The following DEPDC5 variants were observed in gnomAD, a reference collection of about 807,000 sequenced individuals.
DEPDC5 encodes DEP domain containing 5, GATOR1 subcomplex subunit.
A neutral mutation model predicts 217.3 loss-of-function variants in DEPDC5; 73 were observed. The ratio of observed to expected loss-of-function variants is 0.34; its 90% CI spans 0.28 to 0.41. The LOEUF is 0.41. Ranked by LOEUF, DEPDC5 falls within the 10% of genes least tolerant of loss-of-function variation. The pLI is 1.00. For synonymous variants in DEPDC5, 733 were observed against 756.7 expected (o/e 0.97, Z 0.51); for missense variants, 1,675 against 2,070.1 (o/e 0.81, Z 3.70).
chr22:31,852,682 A>C (rs936516339), intron 31 of DEPDC5, among the ~76,000 whole-genome samples: 1 of 152,036 alleles, frequency 6.6e-6, no homozygotes, highest in Non-Finnish European at 1.5e-5. Flanking sequence ...ATTTCCCTTC[A>C]TCTGTAATAT....
At chr22:31,885,567 T>C (rs2093286357) in intron 38 of DEPDC5, among the ~76,000 whole-genome samples, 1 of 150,564 alleles carries the variant, frequency 6.6e-6, no homozygotes, top group African/African-American at 2.5e-5. Flanking sequence ...CTACTAAAAA[T>C]ACAAAAAATT....
intron 4 of DEPDC5, among the ~76,000 whole-genome samples, chr22:31,763,493 A>G (rs1478181174): frequency 6.7e-6 from 1 of 149,772 alleles, no homozygotes; most frequent in African/African-American, 2.5e-5. Flanking sequence ...ACTGGAGTGC[A>G]GTGGTGCAGT....
Position 31,897,672 on chromosome 22 carries a change from T to C in DEPDC5, c.4375+19T>C. ...TTTGATAGTAAGAAATATTCCCTTC[T>C]GGAGGTTGTCTCAACCAGTAAGACC... On this transcript the variant is annotated intron_variant, in intron 40 of 42. Coordinates refer to ENST00000651528, the MANE Select transcript of DEPDC5 (RefSeq NM_001242896.3). 1 of 1,612,176 alleles carries C rather than the reference T, an allele frequency of 6.2e-7. No homozygotes were observed. Among genetic ancestry groups the C allele is most frequent in the South Asian group, 1.1e-5 (1 of 90,988 alleles).
intron 39 of DEPDC5, among the ~76,000 whole-genome samples, chr22:31,895,255 G>T (rs1293784019): frequency 6.6e-6 from 1 of 151,958 alleles, no homozygotes; most frequent in Non-Finnish European, 1.5e-5. Flanking sequence ...ATAATGCACA[G>T]GGCAGCCCCC....
At chr22:31,855,699 G>T (rs372176204) in intron 31 of DEPDC5, among the ~76,000 whole-genome samples, 1 of 152,014 alleles carries the variant, frequency 6.6e-6, no homozygotes, top group South Asian at 2.1e-4. Context: ...ATTTCATGTG[G>T]GTAGGCAGGG....
intron 25 of DEPDC5, among the ~76,000 whole-genome samples, chr22:31,835,926 T>C (rs1181678271): frequency 6.6e-6 from 1 of 152,254 alleles, no homozygotes; most frequent in East Asian, 1.9e-4. Context: ...CAGCAGGGGC[T>C]ACAACACATT....
At chr22:31,759,373 GT>G (rs916219228) in intron 3 of DEPDC5, among the ~76,000 whole-genome samples, 1 of 109,578 alleles carries the variant, frequency 9.1e-6, no homozygotes, top group Non-Finnish European at 2.0e-5. Flanking sequence ...TGTTTTTTTT[GT>G]TTTTTTTTGT....
chr22:31,870,375 C>T (rs1161784940), intron 33 of DEPDC5, among the ~76,000 whole-genome samples: 1 of 152,174 alleles, frequency 6.6e-6, no homozygotes, highest in African/African-American at 2.4e-5. Context: ...TGATAGAAGG[C>T]AGTGCACACA....
At chr22:31,900,593 G>T (rs1165758451) in intron 40 of DEPDC5, among the ~76,000 whole-genome samples, 1 of 151,852 alleles carries the variant, frequency 6.6e-6, no homozygotes, top group Non-Finnish European at 1.5e-5. Flanking sequence ...ACAAAAATTA[G>T]CTGGGCGCTG....
At chr22:31,791,173 T>C (rs2085588986) in intron 10 of DEPDC5, among the ~76,000 whole-genome samples, 1 of 152,134 alleles carries the variant, frequency 6.6e-6, no homozygotes, top group South Asian at 2.1e-4. Flanking sequence ...TTCCAATCAC[T>C]TTCCACATTC....
In DEPDC5 at chr22:31,893,817, T is replaced by C; in HGVS notation, c.4203+66T>C. On this transcript the variant is annotated intron_variant, in intron 39 of 42. Coordinates refer to ENST00000651528, the MANE Select transcript of DEPDC5 (RefSeq NM_001242896.3). ...TCACAGTGGGCATGGAGATGCTTGA[T>C]AGAGATTCATGTCACTTTAATTTTT... is the stretch of plus-strand genomic sequence containing the variant. 10 of 1,420,178 alleles carry C rather than the reference T, an allele frequency of 7.0e-6. No individual in the cohort carries two copies. In the South Asian group the frequency reaches 1.2e-4, roughly 16 times the overall value. 88.0% of individuals were successfully genotyped at this position (1,420,178 alleles called of 1,614,324 possible).
intron 8 of DEPDC5, among the ~76,000 whole-genome samples, chr22:31,781,159 T>C (rs2148366904): frequency 6.7e-6 from 1 of 148,652 alleles, no homozygotes; most frequent in South Asian, 2.1e-4. Flanking sequence ...GAGGTTGCGG[T>C]GAACCAAGAT....
At chr22:31,841,001 G>C (rs1455108437) in intron 27 of DEPDC5, among the ~76,000 whole-genome samples, 1 of 152,232 alleles carries the variant, frequency 6.6e-6, no homozygotes, top group Admixed American at 6.5e-5. Flanking sequence ...TTTAGAATGG[G>C]GGTGTCAGGT....
chr22:31,844,571 A>G (rs1433179497), intron 29 of DEPDC5, among the ~76,000 whole-genome samples: 1 of 152,022 alleles, frequency 6.6e-6, no homozygotes, highest in Non-Finnish European at 1.5e-5. Flanking sequence ...CCTGATTTTT[A>G]ATTTTTGATT....
chr22:31,772,665 A>G (rs1433091870), intron 7 of DEPDC5, among the ~76,000 whole-genome samples: 1 of 152,174 alleles, frequency 6.6e-6, no homozygotes, highest in Non-Finnish European at 1.5e-5. Context: ...AACAGGAGAT[A>G]GGCGAGAATT....
intron 32 of DEPDC5, among the ~76,000 whole-genome samples, chr22:31,861,127 T>A (rs2092493438): frequency 6.6e-6 from 1 of 151,536 alleles, no homozygotes; most frequent in East Asian, 1.9e-4. Context: ...TTTCTGCTAA[T>A]GCTTCGCATT....
At chr22:31,797,500 G>A (rs183626481) in intron 12 of DEPDC5, 100 bp from the exon 13 acceptor site, 7 of 946,960 alleles carry the variant, frequency 7.4e-6, no homozygotes, top group Admixed American at 1.9e-5. Flanking sequence ...TTCCTCCCTC[G>A]ACACATGGGT....
At chr22:31,884,828 C>T (rs529614845) in intron 38 of DEPDC5, among the ~76,000 whole-genome samples, 34 of 152,250 alleles carry the variant, frequency 2.2e-4, no homozygotes, top group African/African-American at 7.2e-4. Context: ...GCTGTTTCCC[C>T]GCAACACCTT....
At chr22:31,788,748 G>T (rs1161489926) in intron 10 of DEPDC5, among the ~76,000 whole-genome samples, 1 of 151,348 alleles carries the variant, frequency 6.6e-6, no homozygotes, top group African/African-American at 2.4e-5. Flanking sequence ...TAATTTTTTT[G>T]TGTTTTTAGT....
Sources: allele counts gnomAD v4.1 joint callset (sites outside exome capture counted in the v4.1 genomes callset), GRCh38; gene constraint gnomAD v4.1.1; transcripts MANE v1.5; gene names NCBI Gene and HGNC (gene_info 2026-07-23, HGNC 2026-07-21).